R3HDM1: variants seen among roughly 807,000 people sequenced by gnomAD.
R3HDM1 encodes the protein R3H domain containing 1.
R3HDM1 carries 46 observed loss-of-function variants against 141.1 expected under a neutral mutation model. That is an observed-to-expected ratio of 0.33 (90% CI 0.26 to 0.42). The LOEUF is 0.42. R3HDM1 is among the 10% of genes least tolerant of loss of function. R3HDM1 has a pLI of 1.00. For synonymous variants in R3HDM1, 435 were observed against 472.9 expected, an observed-to-expected ratio of 0.92 and a Z score of 1.04; for missense variants, 1,184 against 1,368.3, an observed-to-expected ratio of 0.87 and a Z score of 2.12.
At chr2:135,531,661 C>G (rs1023596592) in intron 1 of R3HDM1, 28 bp downstream of exon 1, 4 of 986,142 alleles carry the variant, frequency 4.1e-6, no homozygotes, top group Non-Finnish European at 3.6e-6. Flanking sequence ...CTCCCCCGTC[C>G]AGCTCCCCGG....
At chr2:135,536,452 C>A in intron 1 of R3HDM1, 1 of 756,608 alleles carries the variant, frequency 1.3e-6, no homozygotes, top group Non-Finnish European at 1.6e-6. Context: ...CAGCCTATTT[C>A]ATAAATAGTG....
intron 19 of R3HDM1, among the ~76,000 whole-genome samples, chr2:135,672,719 G>A (rs752228601): frequency 6.6e-6 from 1 of 152,062 alleles, no homozygotes; most frequent in African/African-American, 2.4e-5. Flanking sequence ...CGTGGTGTTT[G>A]TAAGAGAGTG....
chr2:135,717,715 A>T (rs149427569), intron 24 of R3HDM1, among the ~76,000 whole-genome samples: 237 of 152,336 alleles, frequency 1.6e-3, no homozygotes, highest in African/African-American at 5.5e-3. Flanking sequence ...GTAAAGATAC[A>T]GAGCTACTAA....
At chr2:135,677,383 C>G (rs542794094) in intron 20 of R3HDM1, among the ~76,000 whole-genome samples, 3 of 152,274 alleles carry the variant, frequency 2.0e-5, no homozygotes, top group African/African-American at 7.2e-5. Context: ...GTCTGTTTCC[C>G]CATAGTTAAG....
chr2:135,629,524 T>C (rs183477885), intron 7 of R3HDM1, among the ~76,000 whole-genome samples: 1 of 152,280 alleles, frequency 6.6e-6, no homozygotes, highest in Admixed American at 6.5e-5. Context: ...CCTTTCTATA[T>C]ACAAATAGTT....
In R3HDM1 at chr2:135,638,887, A is replaced by C. The variant is rs2063516972; in HGVS notation, c.993-9A>C. 1 of 1,612,754 alleles carries C rather than the reference A, an allele frequency of 6.2e-7. No homozygotes were observed. The highest frequency in any genetic ancestry group is 1.3e-5 in the African/African-American group (1 of 74,814). ...ATTAGCTTTTCAAGGTTTTATTTCT[A>C]AATTACAGAGTTAATAAAGATGCTT... On this transcript the variant is annotated splice_polypyrimidine_tract_variant and intron_variant, in intron 13 of 26. Transcript: ENST00000683871.
Position 135,651,489 on chromosome 2 carries a change from T to C in R3HDM1, c.1726-241T>C, listed in dbSNP as rs1367925032. On this transcript the variant is annotated intron_variant, in intron 17 of 26. Coordinates refer to ENST00000683871, the MANE Select transcript of R3HDM1 (RefSeq NM_001378107.1). ...AATGTGAAATGTTGTACCCTACTCT[T>C]TTCTGCATGCTGTGCATTCCCACTA... is the stretch of plus-strand genomic sequence containing the variant. 6.2e-6 allele frequency: 6 copies of C among 965,344 alleles called. No homozygotes were observed. In the South Asian group the frequency reaches 2.0e-4, roughly 31 times the overall value. 59.8% of individuals were successfully genotyped at this position (965,344 alleles called of 1,614,324 possible).
rs1433291961 is a variant in R3HDM1 at position 135,622,709 on chromosome 2, A to T, written c.474A>T (p.Val158=). 3 of 1,592,544 alleles carry T rather than the reference A, an allele frequency of 1.9e-6. No individual in the cohort carries two copies. Among genetic ancestry groups the T allele is most frequent in the Non-Finnish European group, 2.6e-6 (3 of 1,165,584 alleles). ...GCATAGATCTACATGAATTTTTAGT[A>T]AATACATTAAAAAACAATCCCAGGT... ...STGIDLHEFL[V]NTLKNNPRDR... Residue 158 remains valine, a synonymous_variant, in exon 7 of 27, where the codon GTA becomes GTT. Coordinates refer to ENST00000683871, the MANE Select transcript of R3HDM1 (RefSeq NM_001378107.1).
intron 21 of R3HDM1, among the ~76,000 whole-genome samples, chr2:135,706,703 T>C (rs371632214): frequency 2.6e-5 from 4 of 151,648 alleles, no homozygotes; most frequent in East Asian, 1.9e-4. Flanking sequence ...GGTAAGGTCA[T>C]AGATCAACAG....
intron 12 of R3HDM1, 22 bp downstream of exon 12, chr2:135,638,677 G>A (rs202219755): frequency 6.2e-7 from 1 of 1,611,130 alleles, no homozygotes; most frequent in Admixed American, 1.7e-5. Context: ...TTTAACATCT[G>A]TTTTGGTAAT....
chr2:135,589,427 T>G (rs1043467094), intron 1 of R3HDM1, among the ~76,000 whole-genome samples: 1 of 152,200 alleles, frequency 6.6e-6, no homozygotes, highest in Non-Finnish European at 1.5e-5. Flanking sequence ...CCTCTGGTTG[T>G]AGGGGACAAA....
intron 3 of R3HDM1, chr2:135,605,552 G>C (rs1184294818): frequency 6.6e-6 from 1 of 152,274 alleles, no homozygotes; most frequent in African/African-American, 2.4e-5. Context: ...AAATTGAGTT[G>C]ATTAACAAAT....
intron 1 of R3HDM1, among the ~76,000 whole-genome samples, chr2:135,553,641 G>A (rs945642111): frequency 6.6e-6 from 1 of 152,154 alleles, no homozygotes; most frequent in Non-Finnish European, 1.5e-5. Flanking sequence ...GAAAGTGGCC[G>A]ATGTTAATAT....
chr2:135,634,910 T>A (rs981146400), intron 9 of R3HDM1, among the ~76,000 whole-genome samples: 7 of 152,200 alleles, frequency 4.6e-5, no homozygotes, highest in African/African-American at 1.7e-4. Context: ...TCAATTAATT[T>A]GTTGAAGCTG....
intron 1 of R3HDM1, chr2:135,584,400 C>A: frequency 8.5e-6 from 8 of 941,416 alleles, no homozygotes; most frequent in Non-Finnish European, 1.0e-5. Context: ...TACCTGACCT[C>A]GGTAGCATGT....
chr2:135,652,011 T>C lies in R3HDM1; in HGVS notation c.2007T>C (p.Tyr669=). Residue 669 remains tyrosine (Y), a synonymous_variant, in exon 18 of 27, where the codon TAT becomes TAC. Transcript: ENST00000683871. The part of the protein sequence containing the change: ...VSQPVLQQQG[Y]IQQPSPQMPA... ...AGCCTGTGCTCCAGCAGCAGGGATATATTCAGCAGCCATCACCACAGGTAT... is the reference window on the plus strand; with the variant it reads ...AGCCTGTGCTCCAGCAGCAGGGATACATTCAGCAGCCATCACCACAGGTAT... 5.0e-6 allele frequency: 8 copies of C among 1,599,658 alleles called. No individual in the cohort carries two copies. The highest frequency in any genetic ancestry group is 6.8e-6 in the Non-Finnish European group (8 of 1,171,778).
chr2:135,697,250 T>A (rs1203639094), intron 21 of R3HDM1, among the ~76,000 whole-genome samples: 1 of 152,214 alleles, frequency 6.6e-6, no homozygotes, highest in Non-Finnish European at 1.5e-5. Flanking sequence ...TTGTACTCCC[T>A]ATGGTTTATA....
At chr2:135,669,398 G>A in intron 19 of R3HDM1, 1 of 984,780 alleles carries the variant, frequency 1.0e-6, no homozygotes, top group Non-Finnish European at 1.2e-6. Context: ...TAAATCTTTA[G>A]TTCAAATGAA....
intron 5 of R3HDM1, among the ~76,000 whole-genome samples, chr2:135,617,331 A>AT (rs1301515602): frequency 7.0e-5 from 10 of 142,716 alleles, no homozygotes; most frequent in African/African-American, 3.1e-4. Context: ...CATCTCAAAA[A>AT]AAAATATATA....
Sources: allele counts gnomAD v4.1 joint callset (sites outside exome capture counted in the v4.1 genomes callset), GRCh38; gene constraint gnomAD v4.1.1; transcripts MANE v1.5; gene names NCBI Gene and HGNC (gene_info 2026-07-23, HGNC 2026-07-21).